Variants in UBR3 observed in about 807,000 individuals in gnomAD.
UBR3 encodes ubiquitin protein ligase E3 component n-recognin 3, also known as E3 ubiquitin-protein ligase UBR3.
UBR3 carries 85 observed loss-of-function variants against 243.2 expected under a neutral mutation model. The observed-to-expected ratio is 0.35, with a 90% CI of 0.29 to 0.42. UBR3 has a LOEUF of 0.42. Among genes scored for constraint, UBR3 ranks in the 10% least tolerant of loss-of-function variants. UBR3 has a pLI of 1.00. For missense variants in UBR3, 1,686 were observed against 2,300.8 expected (o/e 0.73, Z 5.47); for synonymous variants, 748 against 799.8 (o/e 0.94, Z 1.09).
chr2:169,857,585 GTTT>G (rs55952322), intron 1 of UBR3, among the ~76,000 whole-genome samples: 1 of 143,338 alleles, frequency 7.0e-6, no homozygotes, highest in Non-Finnish European at 1.5e-5. Context: ...TCTGACTAAT[GTTT>G]TTTTTTTTTT....
chr2:169,988,119 A>G (rs2089108376), intron 25 of UBR3, among the ~76,000 whole-genome samples: 1 of 152,222 alleles, frequency 6.6e-6, no homozygotes, highest in Admixed American at 6.5e-5. Flanking sequence ...AGTATTAACT[A>G]CTTTTACAGC....
intron 29 of UBR3, among the ~76,000 whole-genome samples, chr2:170,012,596 C>A (rs1260636764): frequency 6.6e-6 from 1 of 151,688 alleles, no homozygotes; most frequent in Non-Finnish European, 1.5e-5. Flanking sequence ...CTTTCTGTCC[C>A]AGGAAAGCTT....
chr2:169,855,814 C>A (rs1003037205), intron 1 of UBR3, among the ~76,000 whole-genome samples: 2 of 152,244 alleles, frequency 1.3e-5, no homozygotes, highest in East Asian at 1.9e-4. Flanking sequence ...ACTTTCTATT[C>A]GACAAAACCG....
intron 19 of UBR3, among the ~76,000 whole-genome samples, chr2:169,933,508 T>C (rs540660636): frequency 9.8e-5 from 15 of 152,318 alleles, no homozygotes; most frequent in East Asian, 1.9e-4. Context: ...TTGAAAGATA[T>C]CTTTTAAATG....
chr2:169,977,034 G>A (rs2088481196), intron 24 of UBR3, among the ~76,000 whole-genome samples: 1 of 151,730 alleles, frequency 6.6e-6, no homozygotes, highest in Non-Finnish European at 1.5e-5. Context: ...GATTTATTCA[G>A]CTGTTTGTTT....
intron 1 of UBR3, among the ~76,000 whole-genome samples, chr2:169,853,445 TC>T (rs2082732150): frequency 6.6e-6 from 1 of 151,460 alleles, no homozygotes. Flanking sequence ...TTCCTCTTTT[TC>T]TTCTTCCTCT....
chr2:169,961,625 C>A (rs1238385841), intron 24 of UBR3, among the ~76,000 whole-genome samples: 1 of 152,166 alleles, frequency 6.6e-6, no homozygotes, highest in Non-Finnish European at 1.5e-5. Flanking sequence ...CACAACTTTA[C>A]AACTGAAGGC....
intron 1 of UBR3, among the ~76,000 whole-genome samples, chr2:169,859,865 C>T (rs564130726): frequency 1.3e-3 from 195 of 152,208 alleles, no homozygotes; most frequent in African/African-American, 4.3e-3. Context: ...TACAGGGGCA[C>T]GCTACCACAC....
intron 1 of UBR3, among the ~76,000 whole-genome samples, chr2:169,834,788 A>G (rs1406715140): frequency 6.6e-6 from 1 of 152,234 alleles, no homozygotes; most frequent in African/African-American, 2.4e-5. Flanking sequence ...ATGAATGGGT[A>G]AGCAATATGT....
At chr2:169,927,686 C>A (rs1449889552) in intron 17 of UBR3, among the ~76,000 whole-genome samples, 1 of 151,812 alleles carries the variant, frequency 6.6e-6, no homozygotes, top group Non-Finnish European at 1.5e-5. Context: ...ATTTAACCTC[C>A]TAGTGGACAG....
chr2:169,929,738 G>A (rs753146990), intron 18 of UBR3, among the ~76,000 whole-genome samples: 5 of 152,146 alleles, frequency 3.3e-5, no homozygotes, highest in Non-Finnish European at 7.4e-5. Context: ...AAGTAAGTGA[G>A]GTTTTGATTT....
In UBR3 at chr2:170,079,985, C is replaced by G. The variant is rs2091879823; in HGVS notation, c.5371C>G (p.Leu1791Val). The G allele has an allele frequency of 1.9e-6, 3 of 1,613,968 alleles. No homozygotes were observed. Among genetic ancestry groups the G allele is most frequent in the Non-Finnish European group, 2.5e-6 (3 of 1,179,960 alleles). The change falls in exon 37 of 39, where the codon CTT becomes GTT. Residue 1791 changes from leucine to valine, a missense_variant. Around this residue, in one of 8 missense-constraint regions of UBR3, gnomAD observed 89 missense variants for 183.3 expected, o/e 0.49. Transcript: ENST00000272793. ...VCGTFVCLKG[L>V]CCKQQSYCEC... ...TGGTACTTTTGTATGCCTGAAAGGA[C>G]TTTGCTGCAAGCAACAAAGTTACTG...
At chr2:169,973,971 A>T (rs10180260) in intron 24 of UBR3, among the ~76,000 whole-genome samples, 13 of 151,958 alleles carry the variant, frequency 8.6e-5, no homozygotes, top group Non-Finnish European at 1.3e-4. Flanking sequence ...TTTGTCCTTC[A>T]TTGTGTTGCT....
intron 23 of UBR3, among the ~76,000 whole-genome samples, chr2:169,953,980 G>A (rs1317729495): frequency 1.3e-5 from 2 of 152,088 alleles, no homozygotes; most frequent in Non-Finnish European, 2.9e-5. Flanking sequence ...TTCCATTGTG[G>A]CAAATATTTG....
At chr2:169,890,554 T>TATATATATAC (rs2084310406) in intron 5 of UBR3, among the ~76,000 whole-genome samples, 1 of 110,538 alleles carries the variant, frequency 9.0e-6, no homozygotes, top group South Asian at 2.9e-4. Flanking sequence ...TATATATATA[T>TATATATATAC]ATATATATAT....
Position 170,001,939 on chromosome 2 carries a change from A to AAAAAAG in UBR3, c.4029+528_4029+529insAAGAAA, listed in dbSNP as rs1553531165. 9.0e-4 allele frequency among the ~76,000 whole-genome samples: 104 copies of AAAAAAG among 116,168 alleles called. 2 individuals carry two copies. The highest frequency in any genetic ancestry group is 3.6e-3 in the African/African-American group (96 of 26,326). The allele number at this position is 116,168 out of a possible 152,430, so 76.2% of individuals were successfully genotyped here. A position where few individuals can be genotyped will look rare whatever the true frequency, so the allele number is the denominator to read the frequency against. On this transcript the variant is annotated intron_variant, in intron 27 of 38. Coordinates refer to ENST00000272793, the MANE Select transcript of UBR3 (RefSeq NM_172070.4). The stretch of plus-strand genomic sequence containing the variant: ...AAAAAAAAAAAAAAAAAAAAAAAAA[A>AAAAAAG]AAAGAAAGAAAAATTTTTTTCACTT...
chr2:170,053,083 G>A (rs2091258142), intron 32 of UBR3, among the ~76,000 whole-genome samples: 1 of 152,144 alleles, frequency 6.6e-6, no homozygotes, highest in Non-Finnish European at 1.5e-5. Context: ...CTACTGTGCT[G>A]GAAAGAATTA....
chr2:169,958,599 T>C (rs1349982265), intron 24 of UBR3, 73 bp downstream of exon 24: 3 of 1,335,084 alleles, frequency 2.2e-6, no homozygotes, highest in African/African-American at 2.9e-5. Context: ...GTCCAGTCTT[T>C]TACTAATTTA....
At chr2:169,864,319 T>C (rs1386906361) in intron 1 of UBR3, among the ~76,000 whole-genome samples, 2 of 152,146 alleles carry the variant, frequency 1.3e-5, no homozygotes, top group Non-Finnish European at 2.9e-5. Flanking sequence ...TTTCTCTCTT[T>C]CCTCCTTCCT....
Sources: allele counts gnomAD v4.1 joint callset (sites outside exome capture counted in the v4.1 genomes callset), GRCh38; gene constraint gnomAD v4.1.1; regional missense constraint gnomAD v4.1.1; transcripts MANE v1.5; gene names NCBI Gene and HGNC (gene_info 2026-07-23, HGNC 2026-07-21).